Variants in UPK3A observed in about 807,000 individuals in gnomAD.
The protein encoded by UPK3A is uroplakin-3a.
A neutral mutation model predicts 27.6 loss-of-function variants in UPK3A; 32 were observed. That is an observed-to-expected ratio of 1.16 (90% confidence interval 0.87 to 1.55). UPK3A has a LOEUF of 1.55. Ranked by LOEUF, UPK3A falls within the 40% of genes most tolerant of loss-of-function variation. The pLI is 0.00. For missense variants in UPK3A, 370 were observed against 367.9 expected, an observed-to-expected ratio of 1.01 and a Z score of -0.05; for synonymous variants, 171 against 163.9, an observed-to-expected ratio of 1.04 and a Z score of -0.33.
Position 45,289,073 on chromosome 22 carries a change from C to T in UPK3A, c.501C>T (p.Val167=). ...SAATEYRFKY[V]LVNMSTGLVE... ...CGTCTCCTTCCAGGTTCAAGTATGT[C>T]CTGGTCAATATGTCCACGGGCTTGG... The change falls in exon 4 of 6, where the codon GTC becomes GTT. Residue 167 remains valine, a synonymous_variant. Coordinates refer to ENST00000216211, the MANE Select transcript of UPK3A (RefSeq NM_006953.4). 4 of 1,613,974 alleles carry T rather than the reference C, an allele frequency of 2.5e-6. No homozygotes were observed. Among genetic ancestry groups the T allele is most frequent in the Non-Finnish European group, 3.4e-6 (4 of 1,180,032 alleles).
rs376960045 is a variant in UPK3A at position 45,293,219 on chromosome 22, C to T, written c.610C>T (p.Arg204Trp). 3.3e-5 allele frequency: 53 copies of T among 1,613,936 alleles called. No homozygotes were observed. Among genetic ancestry groups the T allele is most frequent in the East Asian group, 1.8e-4 (8 of 44,862 alleles). ...GACGATCGACACGTGGCCAGGCCGG[C>T]GGAGCGGAGGCATGATCGTCATCAC... ...YSTIDTWPGR[R>W]SGGMIVITSI... is the part of the protein sequence containing the mutation. The change falls in exon 5 of 6, where the codon CGG becomes TGG. Residue 204 changes from arginine to tryptophan, a missense_variant. Physicochemically the swap from Arg to Trp is moderately radical, Grantham distance 101. Coordinates refer to ENST00000216211, the MANE Select transcript of UPK3A (RefSeq NM_006953.4).
In UPK3A at chr22:45,284,990, C is replaced by T; in HGVS notation, c.-24C>T. ...CCTGCTCGCTGGACCGCCCGCCCCGCGCTCTGGCGGCTCCTCCCGGGCGAT... is the reference window on the plus strand; with the variant it reads ...CCTGCTCGCTGGACCGCCCGCCCCGTGCTCTGGCGGCTCCTCCCGGGCGAT... On this transcript the variant is annotated 5_prime_UTR_variant, in exon 1 of 6. Transcript: ENST00000216211. 6.5e-7 allele frequency: 1 copy of T among 1,529,198 alleles called. No individual in the cohort carries two copies. The highest frequency in any genetic ancestry group is 8.7e-7 in the Non-Finnish European group (1 of 1,144,338). 94.7% of individuals were successfully genotyped at this position (1,529,198 alleles called of 1,614,324 possible).
chr22:45,287,087 G>A (rs1295855462), intron 2 of UPK3A, 85 bp from the exon 3 acceptor site: 2 of 1,595,486 alleles, frequency 1.3e-6, no homozygotes, highest in East Asian at 2.2e-5. Context: ...GGGCAGAAAG[G>A]ATGATCAGGC....
chr22:45,289,580 A>G (rs968343741), intron 4 of UPK3A, among the ~76,000 whole-genome samples: 8 of 126,586 alleles, frequency 6.3e-5, no homozygotes, highest in African/African-American at 2.6e-4. Context: ...TCCGTCTCAA[A>G]AAAAAAAAAA....
At chr22:45,285,508 C>A (rs1029235162) in intron 1 of UPK3A, among the ~76,000 whole-genome samples, 3 of 152,132 alleles carry the variant, frequency 2.0e-5, no homozygotes, top group Non-Finnish European at 4.4e-5. Context: ...CCGAACAAAG[C>A]AAAGCCCAGA....
rs905146957 is a variant in UPK3A, at chr22:45,287,185, T to C, written c.222T>C (p.Asn74=). The change falls in exon 3 of 6, where the codon AAT becomes AAC. Residue 74 remains asparagine, a synonymous_variant. Transcript: ENST00000216211. ...YVLVDSAISR[N]ASVQDSTNTP... Reference sequence around the variant, plus strand: ...CCGCCTCTGCAGCCATTTCCAGGAATGCCTCAGTGCAAGACAGCACCAACA... The same window carrying C: ...CCGCCTCTGCAGCCATTTCCAGGAACGCCTCAGTGCAAGACAGCACCAACA... The C allele has an allele frequency of 1.2e-6, 2 of 1,613,978 alleles. No homozygotes were observed. The highest frequency in any genetic ancestry group is 2.7e-5 in the African/African-American group (2 of 74,908).
rs149389117 is a variant in UPK3A, at chr22:45,290,773, G to A, written c.571+1630G>A. Among the ~76,000 whole-genome samples, 21 of 152,278 alleles carry A rather than the reference G, an allele frequency of 1.4e-4. No homozygotes were observed. The East Asian group carries it at 2.3e-3, about 17-fold the overall frequency. On this transcript the variant is annotated intron_variant, in intron 4 of 5. Transcript: ENST00000216211. ...CATTTGCAGCCGCTCCCTGTAGCTC[G>A]CATTACTGCCTGAGCTCCGCCTCCT...
chr22:45,288,970 AC>A, intron 3 of UPK3A, 90 bp from the exon 4 acceptor site: 1 of 1,308,264 alleles, frequency 7.6e-7, no homozygotes, highest in East Asian at 2.3e-5. Flanking sequence ...GCCGTCTCCC[AC>A]CCCTAGGCCA....
chr22:45,290,855 C>G (rs112681740), intron 4 of UPK3A, among the ~76,000 whole-genome samples: 6 of 152,224 alleles, frequency 3.9e-5, no homozygotes, highest in African/African-American at 1.4e-4. Flanking sequence ...TTGTGAACTG[C>G]GCATGCCAGG....
chr22:45,292,210 T>C (rs1601850033), intron 4 of UPK3A, among the ~76,000 whole-genome samples: 1 of 152,192 alleles, frequency 6.6e-6, no homozygotes, highest in Non-Finnish European at 1.5e-5. Flanking sequence ...CAGGGTTCCT[T>C]TGGGGAACCC....
intron 4 of UPK3A, among the ~76,000 whole-genome samples, chr22:45,290,553 G>C (rs2084153429): frequency 6.6e-6 from 1 of 152,128 alleles, no homozygotes; most frequent in African/African-American, 2.4e-5. Flanking sequence ...TGTGAGTGGT[G>C]TGTGAGTGTG....
chr22:45,293,952 G>A (rs1320340348), intron 5 of UPK3A, among the ~76,000 whole-genome samples: 1 of 152,026 alleles, frequency 6.6e-6, no homozygotes, highest in African/African-American at 2.4e-5. Context: ...TCTCCCGAGG[G>A]GTGTACCAGG....
chr22:45,290,372 G>A (rs1352456035), intron 4 of UPK3A, among the ~76,000 whole-genome samples: 1 of 152,190 alleles, frequency 6.6e-6, no homozygotes, highest in Non-Finnish European at 1.5e-5. Context: ...ACCCCCAGGG[G>A]CGTGGGGGGC....
At chr22:45,292,200 C>T (rs2084166521) in intron 4 of UPK3A, among the ~76,000 whole-genome samples, 1 of 152,168 alleles carries the variant, frequency 6.6e-6, no homozygotes, top group South Asian at 2.1e-4. Context: ...GCCTCTGCAG[C>T]AGGGTTCCTT....
At chr22:45,287,632 C>G (rs1161666579) in intron 3 of UPK3A, among the ~76,000 whole-genome samples, 181 bp downstream of exon 3, 1 of 152,182 alleles carries the variant, frequency 6.6e-6, no homozygotes, top group East Asian at 1.9e-4. Flanking sequence ...GATTGACGCT[C>G]TGCAACTACC....
intron 1 of UPK3A, 129 bp from the exon 2 acceptor site, chr22:45,285,812 C>T: frequency 3.0e-6 from 4 of 1,351,798 alleles, no homozygotes; most frequent in African/African-American, 1.4e-5. Context: ...TCTGAGACAG[C>T]TTATGCGGTG....
chr22:45,287,452 G>C lies in UPK3A; in HGVS notation c.488+1G>C. ...CCCTGTCGGCAGCCACGGAGTACAG[G>C]TGGGTGTAAACAAACCACTACAGGA... On this transcript the variant is annotated splice_donor_variant, in intron 3 of 5. Transcript: ENST00000216211. LOFTEE classifies it high-confidence loss of function. 1 of 1,589,428 alleles carries C rather than the reference G, an allele frequency of 6.3e-7. No individual in the cohort carries two copies. Among genetic ancestry groups the C allele is most frequent in the Non-Finnish European group, 8.6e-7 (1 of 1,168,080 alleles).
At position 45,288,218 on chromosome 22, in the gene UPK3A, G is replaced by A. The variant is rs1157080405; in HGVS notation, c.488+767G>A. Among the ~76,000 whole-genome samples, 7 of 148,024 alleles carry A rather than the reference G, an allele frequency of 4.7e-5. 1 individual carries two copies. Among genetic ancestry groups the A allele is most frequent in the Admixed American group, 3.4e-4 (5 of 14,844 alleles). On this transcript the variant is annotated intron_variant, in intron 3 of 5. Coordinates refer to ENST00000216211, the MANE Select transcript of UPK3A (RefSeq NM_006953.4). The stretch of plus-strand genomic sequence containing the variant: ...ACTTCTGCTTTTTTTTTTTTGAGAT[G>A]GAGTTTCGCTCTTGTTGCCCAAGGT...
intron 4 of UPK3A, among the ~76,000 whole-genome samples, chr22:45,290,527 C>G (rs923408981): frequency 6.6e-6 from 1 of 151,780 alleles, no homozygotes; most frequent in Middle Eastern, 3.2e-3. Context: ...ATGTAGTTTA[C>G]GGTGTTGCGT....
Sources: gnomAD v4.1 joint callset for allele counts (sites outside exome capture counted in the v4.1 genomes callset) on GRCh38, gnomAD v4.1.1 for gene constraint, MANE v1.5 for transcripts, NCBI Gene and HGNC (gene_info 2026-07-23, HGNC 2026-07-21) for gene names.